ANKRD30B: variants seen among roughly 807,000 people sequenced by gnomAD.
ANKRD30B encodes the protein ankyrin repeat domain-containing protein 30B.
A neutral mutation model predicts 202.2 loss-of-function variants in ANKRD30B; 144 were observed. The observed-to-expected ratio is 0.71, with a 90% confidence interval of 0.62 to 0.82. The LOEUF (loss-of-function observed/expected upper bound fraction) is 0.82, where lower values mean the gene tolerates loss of function less well. Among genes scored for constraint, ANKRD30B ranks in the 40% least tolerant of loss-of-function variants. The probability of loss-of-function intolerance (pLI) is 0.00; values close to 1 mark genes in which losing one functional copy is unlikely to be tolerated. For synonymous variants in ANKRD30B, 508 were observed against 561.3 expected, an observed-to-expected ratio of 0.91 and a Z score of 1.34; for missense variants, 1,487 against 1,669.1, an observed-to-expected ratio of 0.89 and a Z score of 1.90.
the ANKRD30B span, among the ~76,000 whole-genome samples, chr18:14,917,423 G>T: frequency 7.3e-5 from 11 of 151,448 alleles, no homozygotes; most frequent in Non-Finnish European, 1.5e-4. Flanking sequence ...GTCTATCTGC[G>T]CTTCTCTTTC....
chr18:14,928,516 G>A, the ANKRD30B span, among the ~76,000 whole-genome samples: 2 of 152,124 alleles, frequency 1.3e-5, no homozygotes, highest in Non-Finnish European at 2.9e-5. Context: ...CAGATGGCCC[G>A]AGTAGGGACA....
chr18:14,900,039 C>A, the ANKRD30B span, among the ~76,000 whole-genome samples: 2 of 151,932 alleles, frequency 1.3e-5, no homozygotes, highest in East Asian at 3.9e-4. Context: ...CCATTCTTTT[C>A]TAAATTGAAA....
the ANKRD30B span, among the ~76,000 whole-genome samples, chr18:14,888,439 T>C: frequency 1.3e-5 from 2 of 152,100 alleles, no homozygotes; most frequent in East Asian, 3.8e-4. Flanking sequence ...TCACTATTAC[T>C]AACATCATGA....
the ANKRD30B span, among the ~76,000 whole-genome samples, chr18:14,867,263 C>A: frequency 2.2e-5 from 3 of 139,532 alleles, no homozygotes; most frequent in African/African-American, 8.1e-5. Context: ...CTGCCTGCAG[C>A]AGTCTCTGGG....
At position 14,828,369 on chromosome 18, in the gene ANKRD30B, T is replaced by A. The variant is rs925013362; in HGVS notation, c.2774+61T>A. Reference sequence around the variant, plus strand: ...ACTCAGAAAATATAGAGAAAAGAAATCACTATCTGCTGAGTATTCTACTCT... The same window carrying A: ...ACTCAGAAAATATAGAGAAAAGAAAACACTATCTGCTGAGTATTCTACTCT... On this transcript the variant is annotated intron_variant, in intron 33 of 43. Coordinates refer to ENST00000690538, the MANE Select transcript of ANKRD30B (RefSeq NM_001367607.2). 19 of 1,157,522 alleles carry A rather than the reference T, an allele frequency of 1.6e-5. No homozygotes were observed. The African/African-American group carries it at 2.4e-4, about 14-fold the overall frequency. 71.7% of individuals were successfully genotyped at this position (1,157,522 alleles called of 1,614,324 possible). A position where few individuals can be genotyped will look rare whatever the true frequency, so the allele number is the denominator to read the frequency against.
chr18:14,907,236 G>A, the ANKRD30B span, among the ~76,000 whole-genome samples: 1 of 151,874 alleles, frequency 6.6e-6, no homozygotes, highest in African/African-American at 2.4e-5. Context: ...GAGTGCCCTG[G>A]CCTAGGAGGA....
At chr18:14,839,392 G>A (rs1189633274) in intron 36 of ANKRD30B, among the ~76,000 whole-genome samples, 1 of 152,126 alleles carries the variant, frequency 6.6e-6, no homozygotes, top group Non-Finnish European at 1.5e-5. Flanking sequence ...CTAGGAGGAA[G>A]ACATTCTGAA....
chr18:14,869,232 T>C, the ANKRD30B span, among the ~76,000 whole-genome samples: 355 of 152,164 alleles, frequency 2.3e-3, no homozygotes, highest in South Asian at 7.5e-3. Context: ...TCCAGTTGAG[T>C]TAGGGAAGTG....
chr18:14,773,967 A>G (rs1321355888), intron 9 of ANKRD30B, among the ~76,000 whole-genome samples: 1 of 152,064 alleles, frequency 6.6e-6, no homozygotes, highest in South Asian at 2.1e-4. Flanking sequence ...CTCAAGTTCT[A>G]TTAAACATAT....
chr18:14,846,362 G>A (rs1312131518), intron 39 of ANKRD30B, among the ~76,000 whole-genome samples: 1 of 151,726 alleles, frequency 6.6e-6, no homozygotes, highest in African/African-American at 2.4e-5. Flanking sequence ...TTGCTTTTGG[G>A]TCAGGTAACA....
At chr18:14,800,626 G>C (rs1335136456) in intron 22 of ANKRD30B, among the ~76,000 whole-genome samples, 2 of 148,832 alleles carry the variant, frequency 1.3e-5, no homozygotes, top group East Asian at 4.0e-4. Flanking sequence ...GCCCGGCCCA[G>C]AGTCTTTTTA....
the ANKRD30B span, among the ~76,000 whole-genome samples, chr18:14,867,272 G>C: frequency 3.4e-5 from 5 of 147,436 alleles, no homozygotes; most frequent in Non-Finnish European, 7.5e-5. Flanking sequence ...GCAGTCTCTG[G>C]GTGTGTTGTG....
intron 39 of ANKRD30B, among the ~76,000 whole-genome samples, chr18:14,848,388 T>G (rs1000521469): frequency 3.5e-4 from 53 of 152,116 alleles, no homozygotes; most frequent in Non-Finnish European, 5.9e-5. Context: ...TTTCAATCTT[T>G]GTTCCTCAGT....
At chr18:14,894,141 C>T in the ANKRD30B span, among the ~76,000 whole-genome samples, 23 of 152,228 alleles carry the variant, frequency 1.5e-4, no homozygotes, top group East Asian at 1.4e-3. Flanking sequence ...TATTGTTTAT[C>T]GTCTGGTTCA....
intron 16 of ANKRD30B, among the ~76,000 whole-genome samples, chr18:14,793,110 A>G (rs1230130081): frequency 6.6e-6 from 1 of 152,192 alleles, no homozygotes; most frequent in African/African-American, 2.4e-5. Context: ...ATCAAGAAAT[A>G]TTGAGATGGC....
the ANKRD30B span, among the ~76,000 whole-genome samples, chr18:14,940,240 C>T: frequency 6.6e-6 from 1 of 152,170 alleles, no homozygotes; most frequent in Non-Finnish European, 1.5e-5. Flanking sequence ...TAGAGCTGCA[C>T]CATGGCTTTC....
the ANKRD30B span, among the ~76,000 whole-genome samples, chr18:14,934,463 C>T: frequency 5.3e-5 from 8 of 152,370 alleles, no homozygotes; most frequent in African/African-American, 1.9e-4. Flanking sequence ...GCTCCTCCTT[C>T]CTGTTTCCCT....
At position 14,782,546 on chromosome 18, in the gene ANKRD30B, CAA is replaced by C; in HGVS notation, c.1504_1505del (p.Lys502AspfsTer7). 2 of 1,588,138 alleles carry C rather than the reference CAA, an allele frequency of 1.3e-6. No homozygotes were observed. The highest frequency in any genetic ancestry group is 1.7e-6 in the Non-Finnish European group (2 of 1,171,056). On this transcript the variant is annotated frameshift_variant, in exon 12 of 44. Coordinates refer to ENST00000690538, the MANE Select transcript of ANKRD30B (RefSeq NM_001367607.2). LOFTEE classifies it high-confidence loss of function. ...TAACAGAGTCTCTTTGAGAGTTCTG[CAA>C]AGACTCAAGTGTGTATACCTGAGTC...
the ANKRD30B span, among the ~76,000 whole-genome samples, chr18:14,908,376 G>T: frequency 1.3e-5 from 2 of 152,072 alleles, no homozygotes; most frequent in African/African-American, 4.8e-5. Flanking sequence ...GACTCTTTCT[G>T]TCTGCAGGCC....
Sources: gnomAD v4.1 joint callset for allele counts (sites outside exome capture counted in the v4.1 genomes callset) on GRCh38, gnomAD v4.1.1 for gene constraint, MANE v1.5 for transcripts, NCBI Gene and HGNC (gene_info 2026-07-23, HGNC 2026-07-21) for gene names.